LIPJ: variants seen among roughly 807,000 people sequenced by gnomAD.
LIPJ encodes the protein lipase member J.
In LIPJ, 33 loss-of-function variants were observed where a neutral mutation model predicts 39.8. The ratio of observed to expected loss-of-function variants is 0.83; its 90% CI spans 0.63 to 1.11. The LOEUF (loss-of-function observed/expected upper bound fraction) is 1.11, where lower values mean the gene tolerates loss of function less well. Ranked by LOEUF, LIPJ falls within the 50% of genes least tolerant of loss-of-function variation. LIPJ has a pLI of 0.00. For missense variants in LIPJ, 422 were observed against 427.9 expected, an observed-to-expected ratio of 0.99 and a Z score of 0.12; for synonymous variants, 128 against 139.2, an observed-to-expected ratio of 0.92 and a Z score of 0.57.
intron 8 of LIPJ, 43 bp from the exon 9 acceptor site, chr10:88,602,533 C>T: frequency 7.2e-7 from 1 of 1,381,762 alleles, no homozygotes; most frequent in Non-Finnish European, 9.9e-7. Flanking sequence ...CTCTATGATT[C>T]AACTTATATA....
intron 4 of LIPJ, chr10:88,592,254 T>G (rs1488133390): frequency 6.6e-6 from 1 of 151,894 alleles, no homozygotes; most frequent in Non-Finnish European, 1.5e-5. Context: ...TAATTTTGCA[T>G]ATTTATAAAG....
chr10:88,599,682 C>CATAT (rs142348811), intron 8 of LIPJ, among the ~76,000 whole-genome samples: 7 of 150,346 alleles, frequency 4.7e-5, no homozygotes, highest in Non-Finnish European at 8.9e-5. Flanking sequence ...TATATACATA[C>CATAT]ATATATACAC....
intron 2 of LIPJ, among the ~76,000 whole-genome samples, chr10:88,588,140 A>C (rs1590072723): frequency 6.6e-6 from 1 of 152,056 alleles, no homozygotes; most frequent in East Asian, 1.9e-4. Flanking sequence ...AACATATTTA[A>C]AAGTTTCAGT....
intron 8 of LIPJ, among the ~76,000 whole-genome samples, chr10:88,598,797 T>C (rs1386255788): frequency 6.6e-6 from 1 of 151,592 alleles, no homozygotes; most frequent in Non-Finnish European, 1.5e-5. Flanking sequence ...ATATCTGGAG[T>C]GTACCAGAAA....
the LIPJ span, among the ~76,000 whole-genome samples, chr10:88,613,800 A>ATATGTGTGTG: frequency 2.1e-3 from 152 of 74,140 alleles, no homozygotes; most frequent in Non-Finnish European, 2.7e-3. Context: ...ATATATATAT[A>ATATGTGTGTG]TGTGTGTGTG....
chr10:88,598,582 G>T (rs112290162), intron 8 of LIPJ, among the ~76,000 whole-genome samples: 3,047 of 152,004 alleles, frequency 0.02, 77 homozygotes, highest in South Asian at 0.084. Flanking sequence ...CCCTTTCAGG[G>T]AATGGATTCC....
chr10:88,604,434 A>C (rs1251206082), intron 9 of LIPJ, among the ~76,000 whole-genome samples: 1 of 152,226 alleles, frequency 6.6e-6, no homozygotes, highest in Non-Finnish European at 1.5e-5. Context: ...ACAAGAGTGA[A>C]AGCAGTGAGA....
At chr10:88,610,538 C>T (rs1285206049), downstream of LIPJ, among the ~76,000 whole-genome samples, 1 of 151,968 alleles carries the variant, frequency 6.6e-6, no homozygotes, top group Non-Finnish European at 1.5e-5. Flanking sequence ...TTTTCTTACC[C>T]TAGAAATTGT....
At chr10:88,616,993 C>T in the LIPJ span, among the ~76,000 whole-genome samples, 2 of 152,116 alleles carry the variant, frequency 1.3e-5, no homozygotes, top group African/African-American at 4.8e-5. Context: ...CTTTACTAAC[C>T]CCTAATCCCA....
the LIPJ span, among the ~76,000 whole-genome samples, chr10:88,622,503 C>G: frequency 1.2e-4 from 19 of 152,286 alleles, no homozygotes; most frequent in East Asian, 3.3e-3. Flanking sequence ...GGCTCCATCC[C>G]CAAAATAACT....
intron 8 of LIPJ, among the ~76,000 whole-genome samples, chr10:88,597,466 T>C (rs1208763823): frequency 6.6e-6 from 1 of 151,968 alleles, no homozygotes; most frequent in Non-Finnish European, 1.5e-5. Flanking sequence ...CTCTTAAGAA[T>C]ATAGGCATTC....
the LIPJ span, among the ~76,000 whole-genome samples, chr10:88,622,395 G>A: frequency 5.3e-5 from 8 of 152,300 alleles, no homozygotes; most frequent in South Asian, 1.7e-3. Flanking sequence ...CTAAAGTACT[G>A]ACGGAAAATA....
rs1851081306 is a variant in LIPJ, at chr10:88,591,571, A to G, written c.130+73A>G. The G allele has an allele frequency of 3.0e-5, 39 of 1,296,810 alleles. 2 individuals are homozygous for G. The South Asian group carries it at 5.2e-4, about 17-fold the overall frequency. 80.3% of individuals were successfully genotyped at this position (1,296,810 alleles called of 1,614,324 possible). On this transcript the variant is annotated intron_variant, in intron 4 of 10. Coordinates refer to ENST00000371939, the Ensembl canonical transcript of LIPJ. ...TCTTAATTGCTCCAATTGACGGAGA[A>G]CATAGGACAAGAAAAGCATCTTAAG...
At chr10:88,595,177 G>A (rs1015675278) in intron 6 of LIPJ, among the ~76,000 whole-genome samples, 4 of 151,486 alleles carry the variant, frequency 2.6e-5, no homozygotes, top group Non-Finnish European at 4.4e-5. Context: ...TTTGCATTTC[G>A]GACTGATCAA....
chr10:88,613,758 A>T, the LIPJ span, among the ~76,000 whole-genome samples: 1 of 81,338 alleles, frequency 1.2e-5, no homozygotes, highest in Admixed American at 1.6e-4. Flanking sequence ...ATATATATAT[A>T]TATGTGTGTG....
intron 3 of LIPJ, 75 bp from the exon 4 acceptor site, chr10:88,591,303 C>A (rs1851071666): frequency 2.6e-6 from 3 of 1,138,466 alleles, no homozygotes; most frequent in East Asian, 4.9e-5. Flanking sequence ...TCACATAATG[C>A]GTTAGAAATG....
chr10:88,606,221 T>G (rs751387022), intron 10 of LIPJ, among the ~76,000 whole-genome samples: 8 of 152,172 alleles, frequency 5.3e-5, no homozygotes, highest in Admixed American at 1.3e-4. Flanking sequence ...TTCTGTCTCA[T>G]CTAAACGCCA....
At chr10:88,602,946 G>T (rs1299245084) in intron 9 of LIPJ, among the ~76,000 whole-genome samples, 1 of 152,032 alleles carries the variant, frequency 6.6e-6, no homozygotes, top group East Asian at 1.9e-4. Flanking sequence ...ACAAAAATTA[G>T]CCAGGTGTGG....
chr10:88,615,431 T>C, the LIPJ span, among the ~76,000 whole-genome samples: 1 of 151,822 alleles, frequency 6.6e-6, no homozygotes, highest in Non-Finnish European at 1.5e-5. Flanking sequence ...CAGGCACCTG[T>C]AATCCCAGCT....
Sources: allele counts gnomAD v4.1 joint callset (sites outside exome capture counted in the v4.1 genomes callset), GRCh38; gene constraint gnomAD v4.1.1; transcripts MANE v1.5; gene names NCBI Gene and HGNC (gene_info 2026-07-23, HGNC 2026-07-21).